PECR: variants seen among roughly 807,000 people sequenced by gnomAD.
PECR encodes 2,4-dienoyl-CoA reductase-related protein.
A neutral mutation model predicts 35.3 loss-of-function variants in PECR; 30 were observed. That is an observed-to-expected ratio of 0.85 (90% confidence interval 0.64 to 1.15). The LOEUF (loss-of-function observed/expected upper bound fraction) is 1.15, where lower values mean the gene tolerates loss of function less well. PECR is among the 50% of genes most tolerant of loss of function. The probability of loss-of-function intolerance (pLI) is 0.00; values close to 1 mark genes in which losing one functional copy is unlikely to be tolerated. For missense variants in PECR, 392 were observed against 370.8 expected (o/e 1.06, Z -0.47); for synonymous variants, 148 against 138.9 (o/e 1.07, Z -0.46).
At chr2:216,065,596 G>C in intron 2 of PECR, 119 bp from the exon 3 acceptor site, 2 of 710,322 alleles carry the variant, frequency 2.8e-6, no homozygotes, top group South Asian at 3.0e-5. Context: ...GTCACTCCAA[G>C]TGCCACAATG....
At chr2:216,080,009 T>C (rs1208723972) in intron 1 of PECR, among the ~76,000 whole-genome samples, 1 of 151,218 alleles carries the variant, frequency 6.6e-6, no homozygotes. Context: ...AAAATTGGAA[T>C]GCTATTAGGT....
At chr2:216,059,133 T>C (rs1423609300) in intron 3 of PECR, among the ~76,000 whole-genome samples, 157 bp from the exon 4 acceptor site, 1 of 152,228 alleles carries the variant, frequency 6.6e-6, no homozygotes, top group African/African-American at 2.4e-5. Flanking sequence ...CATCATAAAA[T>C]TCATCTACTT....
At chr2:216,031,707 A>G (rs1311029906) in intron 7 of PECR, among the ~76,000 whole-genome samples, 1 of 149,304 alleles carries the variant, frequency 6.7e-6, no homozygotes, top group African/African-American at 2.5e-5. Flanking sequence ...GAAAGAAAGA[A>G]AGAAAGGGAA....
At chr2:216,066,674 G>A (rs368919536) in intron 1 of PECR, among the ~76,000 whole-genome samples, 156 bp from the exon 2 acceptor site, 1 of 152,162 alleles carries the variant, frequency 6.6e-6, no homozygotes, top group Non-Finnish European at 1.5e-5. Context: ...TATATCATGT[G>A]TTCCATTTTT....
At chr2:216,039,892 A>C (rs547669324) in intron 7 of PECR, among the ~76,000 whole-genome samples, 1 of 152,336 alleles carries the variant, frequency 6.6e-6, no homozygotes, top group African/African-American at 2.4e-5. Context: ...CGCCACAGTT[A>C]TTGGTTGGAA....
intron 1 of PECR, among the ~76,000 whole-genome samples, chr2:216,074,540 GAAAGGAAGGAAGGAAGGA>G (rs1189166514): frequency 2.3e-5 from 3 of 133,064 alleles, no homozygotes; most frequent in Non-Finnish European, 4.5e-5. Flanking sequence ...AAGGAAGGAA[GAAAGGAAGGAAGGAAGGA>G]AGAGAGAGAG....
At chr2:216,077,255 C>T (rs1388277812) in intron 1 of PECR, among the ~76,000 whole-genome samples, 1 of 152,054 alleles carries the variant, frequency 6.6e-6, no homozygotes, top group African/African-American at 2.4e-5. Context: ...GCCTGTAATC[C>T]CAGCACTTTG....
chr2:216,046,276 G>GTATATATATACATACATATATATATA (rs1559209144), intron 6 of PECR, among the ~76,000 whole-genome samples: 5 of 106,698 alleles, frequency 4.7e-5, no homozygotes, highest in African/African-American at 1.8e-4. Context: ...ACCACATAAA[G>GTATATATATACATACATATATATATA]TATATATATA....
chr2:216,067,085 G>A (rs1246509921), intron 1 of PECR, among the ~76,000 whole-genome samples: 2 of 151,684 alleles, frequency 1.3e-5, no homozygotes, highest in African/African-American at 4.9e-5. Flanking sequence ...CCTGGAGAAA[G>A]GTTCTACACT....
Position 216,042,907 on chromosome 2 carries a change from C to A in PECR, c.826+997G>T, listed in dbSNP as rs1377655220. The stretch of plus-strand genomic sequence containing the variant: ...AAGTAGCTGAGACTACAGGTGCCCG[C>A]CACCACACCCGACTAACTGTTATAT... On this transcript the variant is annotated intron_variant, in intron 7 of 7. Coordinates refer to ENST00000265322, the MANE Select transcript of PECR (RefSeq NM_018441.6). Among the ~76,000 whole-genome samples, 4 of 148,812 alleles carry A rather than the reference C, an allele frequency of 2.7e-5. No homozygotes were observed. In the Admixed American group the frequency reaches 2.7e-4, roughly 10 times the overall value.
rs531285078 is a variant in PECR, at chr2:216,063,753, T to G, written c.424+1559A>C. The G allele has an allele frequency of 9.9e-5, 15 of 152,232 alleles. No homozygotes were observed. The East Asian group carries it at 2.3e-3, about 24-fold the overall frequency. 9.4% of individuals were successfully genotyped at this position (152,232 alleles called of 1,614,324 possible). Reference sequence around the variant, plus strand: ...TTTATTTGAAACAGAGTCTCACTCTTGTCACCCAGGCTCAAGTACAGTGGC... The same window carrying G: ...TTTATTTGAAACAGAGTCTCACTCTGGTCACCCAGGCTCAAGTACAGTGGC... On this transcript the variant is annotated intron_variant, in intron 3 of 7. Transcript: ENST00000265322.
rs1201872960 is a variant in PECR, at chr2:216,042,997, GTA to G, written c.826+905_826+906del. The stretch of plus-strand genomic sequence containing the variant: ...TATATGTGTATATATATATACATAC[GTA>G]TATGTGTATATATATATACACATAC... On this transcript the variant is annotated intron_variant, in intron 7 of 7. Transcript: ENST00000265322. 5.0e-5 allele frequency among the ~76,000 whole-genome samples: 6 copies of G among 118,862 alleles called. 1 individual carries two copies. Among genetic ancestry groups the G allele is most frequent in the Non-Finnish European group, 6.9e-5 (4 of 57,902 alleles). 78.0% of individuals were successfully genotyped at this position (118,862 alleles called of 152,430 possible).
At chr2:216,071,078 A>G (rs952014367) in intron 1 of PECR, among the ~76,000 whole-genome samples, 10 of 152,170 alleles carry the variant, frequency 6.6e-5, no homozygotes, top group African/African-American at 2.4e-4. Flanking sequence ...CCGTCTTCGC[A>G]TTCAGCTCAT....
intron 3 of PECR, among the ~76,000 whole-genome samples, chr2:216,062,921 T>G (rs947106515): frequency 3.9e-5 from 6 of 152,226 alleles, no homozygotes; most frequent in African/African-American, 1.4e-4. Flanking sequence ...CCTAGGTGTG[T>G]AGCAGGCTAT....
chr2:216,043,016 T>TAC (rs754679244), intron 7 of PECR, among the ~76,000 whole-genome samples: 2 of 140,958 alleles, frequency 1.4e-5, no homozygotes, highest in South Asian at 2.2e-4. Flanking sequence ...TATATATATA[T>TAC]ACACATACGT....
At chr2:216,074,537 G>GAAGGAAGGAAGGAAGA (rs1461078111) in intron 1 of PECR, among the ~76,000 whole-genome samples, 1 of 127,696 alleles carries the variant, frequency 7.8e-6, no homozygotes, top group African/African-American at 3.7e-5. Context: ...AGGAAGGAAG[G>GAAGGAAGGAAGGAAGA]AAGAAAGGAA....
Position 216,031,691 on chromosome 2 carries a change from G to GAAAGAGAA in PECR, c.*440+7499_*440+7500insTTCTCTTT, listed in dbSNP as rs1473248845. ...AGAAAGAAAGAAAGAAAGAAAGAAAGAGAAAGAAAGAAAGAAAGAAAGGGA... is the reference window on the plus strand; with the variant it reads ...AGAAAGAAAGAAAGAAAGAAAGAAAGAAAGAGAAAGAAAGAAAGAAAGAAAGAAAGGGA... On this transcript the variant is annotated intron_variant and NMD_transcript_variant, in intron 7 of 7. Transcript: ENST00000442122. Among the ~76,000 whole-genome samples the GAAAGAGAA allele has an allele frequency of 5.7e-4, 35 of 61,158 alleles. 1 individual carries two copies. In the South Asian group the frequency reaches 0.012, roughly 20 times the overall value. 40.1% of individuals were successfully genotyped at this position (61,158 alleles called of 152,430 possible).
rs532932659 is a variant in PECR at position 216,081,801 on chromosome 2, G to C, written c.-60C>G. 1.3e-6 allele frequency: 2 copies of C among 1,587,164 alleles called. No homozygotes were observed. The highest frequency in any genetic ancestry group is 1.3e-5 in the African/African-American group (1 of 74,744). ...GCCCTTCTGGGTCTCAGGGACATTC[G>C]AGGCGGGCGGGCGGACAGGGCGGTG... On this transcript the variant is annotated 5_prime_UTR_variant, in exon 1 of 8. Coordinates refer to ENST00000265322, the MANE Select transcript of PECR (RefSeq NM_018441.6).
chr2:216,073,780 C>A (rs775125109), intron 1 of PECR, among the ~76,000 whole-genome samples: 1 of 152,066 alleles, frequency 6.6e-6, no homozygotes, highest in East Asian at 1.9e-4. Context: ...AGGTTTGGAG[C>A]CTAGAAGCAA....
Sources: allele counts gnomAD v4.1 joint callset (sites outside exome capture counted in the v4.1 genomes callset), GRCh38; gene constraint gnomAD v4.1.1; transcripts MANE v1.5; gene names NCBI Gene and HGNC (gene_info 2026-07-23, HGNC 2026-07-21).